The following PRH1 variants were observed in gnomAD, a reference collection of about 807,000 sequenced individuals.
The protein encoded by PRH1 is salivary acidic proline-rich phosphoprotein 1/2.
PRH1 carries 7 observed loss-of-function variants against 7.9 expected under a neutral mutation model. That is an observed-to-expected ratio of 0.89 (90% CI 0.50 to 1.67). The LOEUF (loss-of-function observed/expected upper bound fraction) is 1.67. PRH1 is among the 40% of genes most tolerant of loss of function. The probability of loss-of-function intolerance (pLI) is 0.00; values close to 1 mark genes in which losing one functional copy is unlikely to be tolerated. For synonymous variants in PRH1, 45 were observed against 80.8 expected (o/e 0.56, Z 2.38); for missense variants, 109 against 223.6 (o/e 0.49, Z 3.27).
intron 2 of PRH1, among the ~76,000 whole-genome samples, chr12:10,898,331 A>G (rs1352382914): frequency 6.6e-6 from 1 of 152,200 alleles, no homozygotes; most frequent in East Asian, 1.9e-4. Flanking sequence ...AGCCCACCAA[A>G]AGATACACCC....
At chr12:10,937,512 G>A (rs1950308457) in intron 2 of PRH1, 1 of 152,044 alleles carries the variant, frequency 6.6e-6, no homozygotes, top group Non-Finnish European at 1.5e-5. Context: ...CAAAGCTAGA[G>A]TCAGTATTAC....
At chr12:11,108,149 C>G (rs1945482658) in intron 1 of PRH1, among the ~76,000 whole-genome samples, 1 of 152,188 alleles carries the variant, frequency 6.6e-6, no homozygotes, top group Non-Finnish European at 1.5e-5. Context: ...GTGATTTCAT[C>G]AGCACCAGAT....
chr12:11,022,466 C>A, intron 1 of PRH1: 2 of 1,613,608 alleles, frequency 1.2e-6, no homozygotes. Flanking sequence ...CGTGTGTTAA[C>A]CCAGTCAATG....
intron 1 of PRH1, among the ~76,000 whole-genome samples, chr12:11,086,284 T>A (rs1277117008): frequency 6.9e-6 from 1 of 144,206 alleles, no homozygotes; most frequent in African/African-American, 2.5e-5. Context: ...TAAATCTTAG[T>A]TATTTAATGA....
At chr12:10,931,314 G>A in intron 2 of PRH1, 2 of 919,416 alleles carry the variant, frequency 2.2e-6, no homozygotes, top group Non-Finnish European at 3.2e-6. Context: ...TCTTAAATAG[G>A]GTTGGGAATG....
chr12:10,938,227 T>C (rs778409393), intron 2 of PRH1: 2 of 1,439,984 alleles, frequency 1.4e-6, no homozygotes, highest in South Asian at 2.7e-5. Context: ...CAAGAATTTC[T>C]TAGGAGCTAT....
At chr12:10,906,878 A>G (rs1949812573) in intron 2 of PRH1, among the ~76,000 whole-genome samples, 1 of 152,154 alleles carries the variant, frequency 6.6e-6, no homozygotes, top group South Asian at 2.1e-4. Flanking sequence ...AACATTTACA[A>G]CTCAGTAATA....
At chr12:11,162,981 G>A (rs1171633457) in intron 1 of PRH1, among the ~76,000 whole-genome samples, 1 of 152,158 alleles carries the variant, frequency 6.6e-6, no homozygotes, top group Non-Finnish European at 1.5e-5. Context: ...GTACTATGAA[G>A]TGATACCTAA....
At chr12:10,974,471 G>C (rs1288648758) in intron 1 of PRH1, among the ~76,000 whole-genome samples, 2 of 152,146 alleles carry the variant, frequency 1.3e-5, no homozygotes, top group Admixed American at 1.3e-4. Context: ...GCAAAGCCAG[G>C]GGCCCAATAC....
intron 1 of PRH1, among the ~76,000 whole-genome samples, chr12:11,081,086 T>C (rs1823661): frequency 7.3e-5 from 8 of 109,754 alleles, no homozygotes; most frequent in Admixed American, 9.2e-5. Context: ...TTTGTTGCTC[T>C]ATTTTCTCCC....
intron 2 of PRH1, among the ~76,000 whole-genome samples, chr12:10,889,313 C>T (rs1949538203): frequency 6.6e-6 from 1 of 152,126 alleles, no homozygotes; most frequent in South Asian, 2.1e-4. Context: ...ACCATTTCTA[C>T]TTTTGAGCAC....
chr12:11,148,273 C>G (rs7974364), intron 1 of PRH1, among the ~76,000 whole-genome samples: 67,767 of 150,228 alleles, frequency 0.45, 16,048 homozygotes, highest in Non-Finnish European at 0.52. Context: ...ATTGAATACC[C>G]TTTATTTCCT....
At chr12:10,914,965 A>G (rs1455155100) in intron 2 of PRH1, among the ~76,000 whole-genome samples, 1 of 152,150 alleles carries the variant, frequency 6.6e-6, no homozygotes, top group African/African-American at 2.4e-5. Context: ...CATCTCTACT[A>G]TTAATACAAA....
chr12:11,169,999 G>A (rs1350233877), intron 1 of PRH1, among the ~76,000 whole-genome samples: 3 of 152,176 alleles, frequency 2.0e-5, no homozygotes, highest in Non-Finnish European at 4.4e-5. Flanking sequence ...ATAGCTGCTA[G>A]ACATGCAGTG....
At chr12:11,011,778 G>T (rs973740993) in intron 1 of PRH1, among the ~76,000 whole-genome samples, 2 of 152,088 alleles carry the variant, frequency 1.3e-5, no homozygotes, top group African/African-American at 4.8e-5. Context: ...TTAAAATCTG[G>T]TTGCTGCTAA....
At chr12:11,025,352 A>G (rs1941855416) in intron 1 of PRH1, among the ~76,000 whole-genome samples, 1 of 151,686 alleles carries the variant, frequency 6.6e-6, no homozygotes, top group South Asian at 2.1e-4. Flanking sequence ...ACTCTTTGGA[A>G]ACACATTGAA....
chr12:11,139,256 A>C (rs1946640379), intron 1 of PRH1, among the ~76,000 whole-genome samples: 2 of 152,198 alleles, frequency 1.3e-5, no homozygotes, highest in Non-Finnish European at 1.5e-5. Context: ...AAAAACAGTA[A>C]GAAAAAATTA....
intron 1 of PRH1, among the ~76,000 whole-genome samples, chr12:11,067,439 TG>T (rs1943872436): frequency 8.3e-6 from 1 of 119,948 alleles, no homozygotes; most frequent in Non-Finnish European, 2.0e-5. Flanking sequence ...ATAATTAAAT[TG>T]GAAATAAGAA....
At chr12:11,058,939 C>T (rs192170564) in intron 1 of PRH1, among the ~76,000 whole-genome samples, 273 of 152,286 alleles carry the variant, frequency 1.8e-3, no homozygotes, top group African/African-American at 6.4e-3. Context: ...TTCACTATCT[C>T]CTATTCCCCT....
Sources: gnomAD v4.1 joint callset for allele counts (sites outside exome capture counted in the v4.1 genomes callset) on GRCh38, gnomAD v4.1.1 for gene constraint, MANE v1.5 for transcripts, NCBI Gene and HGNC (gene_info 2026-07-23, HGNC 2026-07-21) for gene names.